Variants in NCAM2 observed in about 807,000 individuals in gnomAD.
The protein encoded by NCAM2 is N-CAM-2.
Under a neutral mutation model 98.1 loss-of-function variants are expected in NCAM2, and 30 were observed. The observed-to-expected ratio is 0.31, with a 90% confidence interval of 0.23 to 0.41. NCAM2 has a LOEUF of 0.41. NCAM2 is among the 10% of genes least tolerant of loss of function. The probability of loss-of-function intolerance (pLI) is 1.00; values close to 1 mark genes in which losing one functional copy is unlikely to be tolerated. For synonymous variants in NCAM2, 368 were observed against 342.4 expected, an observed-to-expected ratio of 1.07 and a Z score of -0.83; for missense variants, 867 against 1,005.8, an observed-to-expected ratio of 0.86 and a Z score of 1.87.
intron 16 of NCAM2, among the ~76,000 whole-genome samples, chr21:21,514,440 G>T (rs1364508126): frequency 7.1e-6 from 1 of 141,366 alleles, no homozygotes; most frequent in Non-Finnish European, 1.5e-5. Context: ...ACTCCTGGCT[G>T]GGCAACAAGA....
At chr21:21,201,966 T>A (rs1373375660) in intron 1 of NCAM2, among the ~76,000 whole-genome samples, 1 of 152,160 alleles carries the variant, frequency 6.6e-6, no homozygotes, top group Admixed American at 6.5e-5. Flanking sequence ...TATCCCAAAC[T>A]TGAGAATCAG....
Position 21,496,938 on chromosome 21 carries a change from TTCTG to T in NCAM2, c.2078-11909_2078-11906del, listed in dbSNP as rs371129852. On this transcript the variant is annotated intron_variant, in intron 15 of 17. Transcript: ENST00000400546. ...GTGTGGCATTACTTTGGGTTTTCTG[TTCTG>T]TCTAAGAGCATTCAAGCCAGGTGCC... Among the ~76,000 whole-genome samples, 254 of 152,138 alleles carry T rather than the reference TTCTG, an allele frequency of 1.7e-3. 1 individual carries two copies. Among genetic ancestry groups the T allele is most frequent in the African/African-American group, 5.6e-3 (233 of 41,524 alleles).
rs189162810 is a variant in NCAM2, at chr21:21,525,850, C to T, written c.2283-8687C>T. ...TCCCAGGTATGCAAGTCTGGTTCAA[C>T]GTTAAAAAATCAATGTAAATCCAAC... is the stretch of plus-strand genomic sequence containing the variant. On this transcript the variant is annotated intron_variant, in intron 16 of 17. Transcript: ENST00000400546. Among the ~76,000 whole-genome samples, 49 of 152,038 alleles carry T rather than the reference C, an allele frequency of 3.2e-4. 1 individual carries two copies. The East Asian group carries it at 9.1e-3, about 28-fold the overall frequency.
chr21:21,110,882 T>C (rs78318339), intron 1 of NCAM2, among the ~76,000 whole-genome samples: 2 of 151,956 alleles, frequency 1.3e-5, no homozygotes, highest in Non-Finnish European at 2.9e-5. Context: ...TCAGTGAGAA[T>C]ATCAAAATGG....
At chr21:21,369,528 C>T (rs2075866103) in intron 8 of NCAM2, among the ~76,000 whole-genome samples, 3 of 151,840 alleles carry the variant, frequency 2.0e-5, no homozygotes, top group Non-Finnish European at 1.5e-5. Flanking sequence ...AACTGTCAAA[C>T]ATTTTATACA....
chr21:21,410,430 C>T lies in NCAM2; in HGVS notation c.1352C>T (p.Thr451Ile). ...LPAKNTTNLK[T>I]YSTGRKMILE... ...GCTAAAAACACGACCAATTTAAAGA[C>T]TTATAGTACAGGAAGAAAGATGATA... Residue 451 changes from threonine (T) to isoleucine (I), a missense_variant, in exon 10 of 18, where the codon ACT becomes ATT. Physicochemically the swap from Thr to Ile is moderately conservative, Grantham distance 89. Coordinates refer to ENST00000400546, the MANE Select transcript of NCAM2 (RefSeq NM_004540.5). The T allele has an allele frequency of 1.3e-6, 2 of 1,575,676 alleles. No homozygotes were observed. The highest frequency in any genetic ancestry group is 1.7e-6 in the Non-Finnish European group (2 of 1,161,352).
rs577367479 is a variant in NCAM2 at position 21,484,380 on chromosome 21, G to A, written c.2077+6909G>A. ...ACGTTTTTTCTCTTTTGATTTCCTC[G>A]TTTGTAACTCTACCCTTTATTTTCT... is the stretch of plus-strand genomic sequence containing the variant. On this transcript the variant is annotated intron_variant, in intron 15 of 17. Coordinates refer to ENST00000400546, the MANE Select transcript of NCAM2 (RefSeq NM_004540.5). Among the ~76,000 whole-genome samples the A allele has an allele frequency of 6.6e-5, 10 of 151,054 alleles. No individual in the cohort carries two copies. In the East Asian group the frequency reaches 1.2e-3, roughly 18 times the overall value.
At chr21:21,346,417 C>G (rs985709217) in intron 8 of NCAM2, among the ~76,000 whole-genome samples, 1 of 151,858 alleles carries the variant, frequency 6.6e-6, no homozygotes. Context: ...AGAGAGAGGT[C>G]CCATCACAAT....
chr21:21,141,923 C>G (rs1441932867), intron 1 of NCAM2, among the ~76,000 whole-genome samples: 1 of 152,088 alleles, frequency 6.6e-6, no homozygotes, highest in East Asian at 1.9e-4. Flanking sequence ...TGCTTCCAGA[C>G]ATTTTAGAAA....
At chr21:21,294,679 C>T in intron 5 of NCAM2, among the ~76,000 whole-genome samples, 1 of 151,846 alleles carries the variant, frequency 6.6e-6, no homozygotes, top group East Asian at 1.9e-4. Flanking sequence ...TTGGACACTG[C>T]TGAGAGAATG....
intron 1 of NCAM2, among the ~76,000 whole-genome samples, chr21:21,032,407 CTA>C (rs982538022): frequency 1.3e-5 from 2 of 152,110 alleles, no homozygotes; most frequent in African/African-American, 2.4e-5. Context: ...TAATAAGTCT[CTA>C]TGATCTTTCT....
At chr21:21,527,118 T>C (rs937781980) in intron 16 of NCAM2, among the ~76,000 whole-genome samples, 10 of 151,764 alleles carry the variant, frequency 6.6e-5, no homozygotes, top group South Asian at 2.1e-4. Context: ...GAAAGATTTT[T>C]TTTTTTTTTT....
At chr21:21,315,150 C>T (rs1022654046) in intron 5 of NCAM2, among the ~76,000 whole-genome samples, 2 of 152,118 alleles carry the variant, frequency 1.3e-5, no homozygotes, top group African/African-American at 2.4e-5. Context: ...TATATTCAGA[C>T]GCCATTTTCA....
At chr21:21,182,734 A>G (rs2068520038) in intron 1 of NCAM2, among the ~76,000 whole-genome samples, 1 of 152,122 alleles carries the variant, frequency 6.6e-6, no homozygotes, top group Non-Finnish European at 1.5e-5. Context: ...ACCCCAGTGC[A>G]CTGGAAAGGC....
intron 2 of NCAM2, among the ~76,000 whole-genome samples, chr21:21,283,122 G>A (rs540059539): frequency 1.3e-5 from 2 of 151,976 alleles, no homozygotes; most frequent in Admixed American, 6.6e-5. Flanking sequence ...TTTAGAAAAA[G>A]ATGAAGATAA....
At chr21:21,343,787 GA>G (rs2147902305) in intron 8 of NCAM2, among the ~76,000 whole-genome samples, 1 of 152,186 alleles carries the variant, frequency 6.6e-6, no homozygotes, top group South Asian at 2.1e-4. Flanking sequence ...CAGTAAACTT[GA>G]AAAAACTTAT....
chr21:21,348,245 G>A (rs1251194697), intron 8 of NCAM2, among the ~76,000 whole-genome samples: 1 of 152,038 alleles, frequency 6.6e-6, no homozygotes, highest in Non-Finnish European at 1.5e-5. Context: ...TGTCAGAACT[G>A]ATAAATTCAG....
At chr21:21,030,974 C>T (rs561511817) in intron 1 of NCAM2, among the ~76,000 whole-genome samples, 54 of 152,202 alleles carry the variant, frequency 3.5e-4, no homozygotes, top group African/African-American at 1.3e-3. Flanking sequence ...GACAAGGGCT[C>T]AGGTGAATAG....
At chr21:21,122,026 G>A (rs549921759) in intron 1 of NCAM2, among the ~76,000 whole-genome samples, 23 of 152,328 alleles carry the variant, frequency 1.5e-4, no homozygotes, top group African/African-American at 5.1e-4. Flanking sequence ...TTCTGATGAG[G>A]ATTTGGACTG....
Sources: allele counts gnomAD v4.1 joint callset (sites outside exome capture counted in the v4.1 genomes callset), GRCh38; gene constraint gnomAD v4.1.1; transcripts MANE v1.5; gene names NCBI Gene and HGNC (gene_info 2026-07-23, HGNC 2026-07-21).